PCDHA12: variants seen among roughly 807,000 people sequenced by gnomAD.
PCDHA12 encodes protocadherin alpha-12.
Under a neutral mutation model 60.0 loss-of-function variants are expected in PCDHA12, and 44 were observed. That is an observed-to-expected ratio of 0.73 (90% confidence interval 0.58 to 0.94). PCDHA12 has a LOEUF of 0.94. Ranked by LOEUF, PCDHA12 falls within the 40% of genes least tolerant of loss-of-function variation. The pLI is 0.00. For missense variants in PCDHA12, 1,276 were observed against 1,239.7 expected, an observed-to-expected ratio of 1.03 and a Z score of -0.44; for synonymous variants, 569 against 553.0, an observed-to-expected ratio of 1.03 and a Z score of -0.40.
chr5:140,993,819 G>A (rs2097583362), intron 3 of PCDHA12, among the ~76,000 whole-genome samples: 1 of 152,142 alleles, frequency 6.6e-6, no homozygotes, highest in Non-Finnish European at 1.5e-5. Context: ...AGGAGCAATA[G>A]GCTATACCAT....
intron 1 of PCDHA12, among the ~76,000 whole-genome samples, chr5:140,935,239 A>G (rs1554210410): frequency 1.3e-5 from 2 of 152,172 alleles, no homozygotes. Flanking sequence ...TCTATTTTTT[A>G]AAAGATAAAA....
At chr5:140,989,970 A>C (rs2097368842) in intron 3 of PCDHA12, among the ~76,000 whole-genome samples, 1 of 152,136 alleles carries the variant, frequency 6.6e-6, no homozygotes, top group Non-Finnish European at 1.5e-5. Flanking sequence ...GAGCTTCCTC[A>C]GCAACAGCCC....
intron 3 of PCDHA12, among the ~76,000 whole-genome samples, chr5:140,989,910 G>A (rs941838001): frequency 3.3e-5 from 5 of 152,062 alleles, no homozygotes; most frequent in African/African-American, 1.2e-4. Flanking sequence ...ATCAGAAAAA[G>A]AGGGAGAGCA....
intron 1 of PCDHA12, among the ~76,000 whole-genome samples, chr5:140,923,395 G>A (rs782033907): frequency 6.6e-6 from 1 of 152,240 alleles, no homozygotes; most frequent in South Asian, 2.1e-4. Flanking sequence ...GGGCATGGTG[G>A]TGTGTGCCTA....
intron 1 of PCDHA12, among the ~76,000 whole-genome samples, chr5:140,912,626 G>A (rs189482006): frequency 6.6e-6 from 1 of 152,190 alleles, no homozygotes; most frequent in East Asian, 1.9e-4. Context: ...CTCTGGATGA[G>A]ACTTTCAGTA....
intron 2 of PCDHA12, chr5:140,982,257 G>A: frequency 1.2e-6 from 1 of 804,182 alleles, no homozygotes; most frequent in Admixed American, 3.3e-5. Context: ...TAGAACATGT[G>A]TGTTCCTGGA....
At chr5:140,910,719 C>T (rs527945930) in intron 1 of PCDHA12, among the ~76,000 whole-genome samples, 44 of 152,216 alleles carry the variant, frequency 2.9e-4, no homozygotes, top group African/African-American at 1.0e-3. Context: ...TCTTTTAATC[C>T]ATATTTCAGC....
intron 1 of PCDHA12, among the ~76,000 whole-genome samples, chr5:140,952,097 G>A (rs1385693579): frequency 1.3e-5 from 2 of 152,066 alleles, no homozygotes; most frequent in East Asian, 3.9e-4. Context: ...CACATCCAGG[G>A]CACACTCGTG....
At position 140,877,261 on chromosome 5, in the gene PCDHA12, G is replaced by T; in HGVS notation, c.1789G>T (p.Val597Leu). Reference protein sequence around the residue: ...AGHVVAKVRAVDADSGYNAWL... With the variant: ...AGHVVAKVRALDADSGYNAWL... ...CCACGTGGTGGCGAAAGTGCGCGCG[G>T]TGGACGCTGACTCCGGCTATAACGC... The change falls in exon 1 of 4, where the codon GTG becomes TTG. Residue 597 changes from valine (V) to leucine (L), a missense_variant. Transcript: ENST00000398631. The T allele has an allele frequency of 6.2e-7, 1 of 1,613,814 alleles. No individual in the cohort carries two copies. Among genetic ancestry groups the T allele is most frequent in the South Asian group, 1.1e-5 (1 of 91,050 alleles).
At chr5:141,000,857 A>G (rs1002294819) in intron 3 of PCDHA12, among the ~76,000 whole-genome samples, 7 of 152,132 alleles carry the variant, frequency 4.6e-5, no homozygotes, top group African/African-American at 1.7e-4. Context: ...GCAGTCAGCC[A>G]TGACCTCACC....
At chr5:140,896,946 T>A (rs2065814718) in intron 1 of PCDHA12, among the ~76,000 whole-genome samples, 1 of 152,134 alleles carries the variant, frequency 6.6e-6, no homozygotes, top group Non-Finnish European at 1.5e-5. Context: ...GGAATGGCCA[T>A]TCCCTTAAAC....
chr5:140,942,633 G>A (rs1554215141), intron 1 of PCDHA12, among the ~76,000 whole-genome samples: 1 of 151,496 alleles, frequency 6.6e-6, no homozygotes, highest in Admixed American at 6.6e-5. Context: ...AAAAAAAATG[G>A]CAAAAGAGAT....
intron 1 of PCDHA12, among the ~76,000 whole-genome samples, chr5:140,895,783 A>G (rs750912902): frequency 2.1e-4 from 32 of 152,122 alleles, no homozygotes; most frequent in Non-Finnish European, 3.8e-4. Context: ...ATAGTATTCA[A>G]TGACGTATAT....
Position 140,994,560 on chromosome 5 carries a change from C to T in PCDHA12, c.2515+11997C>T, listed in dbSNP as rs140191916. Among the ~76,000 whole-genome samples, 970 of 152,032 alleles carry T rather than the reference C, an allele frequency of 6.4e-3. 14 individuals carry two copies. Among genetic ancestry groups the T allele is most frequent in the African/African-American group, 0.023 (943 of 41,474 alleles). On this transcript the variant is annotated intron_variant, in intron 3 of 3. Coordinates refer to ENST00000398631, the MANE Select transcript of PCDHA12 (RefSeq NM_018903.4). ...TCTACAAAAAAAATATAAAAATTAG[C>T]CGGGTGTGGTGGCATGCACTTGTAG...
intron 1 of PCDHA12, among the ~76,000 whole-genome samples, chr5:140,958,824 A>G (rs1008923744): frequency 5.9e-5 from 9 of 152,158 alleles, no homozygotes; most frequent in Admixed American, 5.9e-4. Context: ...TAATTTTTAT[A>G]TCTTAAAGTT....
At chr5:141,003,173 G>A (rs782452600) in intron 3 of PCDHA12, among the ~76,000 whole-genome samples, 6 of 152,174 alleles carry the variant, frequency 3.9e-5, no homozygotes, top group Non-Finnish European at 5.9e-5. Context: ...AGTCCCTGAG[G>A]CTCAACTCCA....
intron 1 of PCDHA12, among the ~76,000 whole-genome samples, chr5:140,918,873 C>A (rs774088807): frequency 2.0e-5 from 3 of 152,166 alleles, no homozygotes; most frequent in Non-Finnish European, 4.4e-5. Flanking sequence ...AACTTTCAAG[C>A]CTCTAGAACA....
chr5:140,923,774 G>T (rs1447078559), intron 1 of PCDHA12, among the ~76,000 whole-genome samples: 1 of 152,202 alleles, frequency 6.6e-6, no homozygotes, highest in Non-Finnish European at 1.5e-5. Flanking sequence ...CTACTGGGTG[G>T]ATGGTTTCTT....
At position 140,877,349 on chromosome 5, in the gene PCDHA12, T is replaced by C. The variant is rs1554169631; in HGVS notation, c.1877T>C (p.Leu626Pro). ...GCGCACATCCCGTTCCACGTGGGGC[T>C]GTACACTGGCGAGATCAGCACGACA... The part of the protein sequence containing the change: ...VGAHIPFHVG[L>P]YTGEISTTRI... The change falls in exon 1 of 4, where the codon CTG becomes CCG. Residue 626 changes from leucine to proline, a missense_variant. Transcript: ENST00000398631. 1.2e-6 allele frequency: 2 copies of C among 1,613,984 alleles called. No homozygotes were observed. The highest frequency in any genetic ancestry group is 3.3e-5 in the Admixed American group (2 of 60,028).
Sources: allele counts gnomAD v4.1 joint callset (sites outside exome capture counted in the v4.1 genomes callset), GRCh38; gene constraint gnomAD v4.1.1; transcripts MANE v1.5; gene names NCBI Gene and HGNC (gene_info 2026-07-23, HGNC 2026-07-21).